JPT1: variants seen among roughly 807,000 people sequenced by gnomAD.
JPT1 encodes the protein Jupiter microtubule associated homolog 1.
A neutral mutation model predicts 17.0 loss-of-function variants in JPT1; 5 were observed. The ratio of observed to expected loss-of-function variants is 0.29; its 90% CI spans 0.15 to 0.62. JPT1 has a LOEUF of 0.62. Among genes scored for constraint, JPT1 ranks in the 20% least tolerant of loss-of-function variants. The pLI is 0.85. For synonymous variants in JPT1, 71 were observed against 73.6 expected (o/e 0.96, Z 0.18); for missense variants, 158 against 188.1 (o/e 0.84, Z 0.94).
chr17:75,139,743 G>A (rs1230714704), intron 4 of JPT1, among the ~76,000 whole-genome samples: 2 of 151,526 alleles, frequency 1.3e-5, no homozygotes, highest in South Asian at 2.1e-4. Context: ...ACTTGAACCC[G>A]GGAGGCGGAG....
chr17:75,139,957 GTCTC>G (rs1221791835), intron 4 of JPT1, among the ~76,000 whole-genome samples: 1 of 152,188 alleles, frequency 6.6e-6, no homozygotes, highest in South Asian at 2.1e-4. Flanking sequence ...TTCAGATGGA[GTCTC>G]TCTCTCTTGC....
chr17:75,141,946 G>A (rs1014912368), intron 4 of JPT1, among the ~76,000 whole-genome samples: 4 of 151,742 alleles, frequency 2.6e-5, no homozygotes, highest in Non-Finnish European at 5.9e-5. Flanking sequence ...GCGCACACCT[G>A]TAGTCCCAGA....
At chr17:75,149,131 A>G in intron 1 of JPT1, 1 of 947,420 alleles carries the variant, frequency 1.1e-6, no homozygotes, top group African/African-American at 1.7e-5. Flanking sequence ...CAGGATCATC[A>G]CTTGAGCCTA....
chr17:75,149,961 C>T lies in JPT1; in HGVS notation c.57-1290G>A, dbSNP rs1009077381. ...TTCTATCTCAACCTCACTAAAAAGC[C>T]ATTTACATACTTGTACCTCACTATT... On this transcript the variant is annotated intron_variant, in intron 1 of 4. Coordinates refer to ENST00000409753, the MANE Select transcript of JPT1 (RefSeq NM_016185.4). Among the ~76,000 whole-genome samples the T allele has an allele frequency of 2.0e-5, 3 of 152,092 alleles. No individual in the cohort carries two copies. The South Asian group carries it at 6.2e-4, about 32-fold the overall frequency.
chr17:75,153,940 C>T (rs2074593407), intron 1 of JPT1: 1 of 155,014 alleles, frequency 6.5e-6, no homozygotes, highest in Admixed American at 6.5e-5. Flanking sequence ...TAGGACCTGA[C>T]CATGCATGGG....
chr17:75,143,093 GTCC>G (rs2074358900), intron 4 of JPT1, among the ~76,000 whole-genome samples: 1 of 152,162 alleles, frequency 6.6e-6, no homozygotes, highest in African/African-American at 2.4e-5. Flanking sequence ...AATCCAGAGG[GTCC>G]TGCTCCATAC....
At chr17:75,142,882 A>G (rs2074354167) in intron 4 of JPT1, 8 of 374,048 alleles carry the variant, frequency 2.1e-5, no homozygotes, top group South Asian at 1.4e-4. Context: ...ACGTATATGA[A>G]AATACACACA....
At chr17:75,136,684 G>C (rs1227094821) in intron 4 of JPT1, among the ~76,000 whole-genome samples, 1 of 152,104 alleles carries the variant, frequency 6.6e-6, no homozygotes, top group Non-Finnish European at 1.5e-5. Context: ...TACAGATGGG[G>C]TTTCACCATC....
Position 75,154,328 on chromosome 17 carries a change from C to A in JPT1, c.56+14G>T. The A allele has an allele frequency of 6.5e-7, 1 of 1,541,016 alleles. No homozygotes were observed. The stretch of plus-strand genomic sequence containing the variant: ...TCAGCCCCGCGCGGCTCGGGCGCGA[C>A]CCGGTCGCCTCACCGGGAGCTATTC... On this transcript the variant is annotated intron_variant, in intron 1 of 4. Transcript: ENST00000409753.
rs1244828524 is a variant in JPT1 at position 75,154,475 on chromosome 17, A to C, written c.-78T>G. 4 of 1,365,324 alleles carry C rather than the reference A, an allele frequency of 2.9e-6. No homozygotes were observed. Among genetic ancestry groups the C allele is most frequent in the Non-Finnish European group, 4.0e-6 (4 of 999,738 alleles). The allele number at this position is 1,365,324 out of a possible 1,614,324, so 84.6% of individuals were successfully genotyped here. On this transcript the variant is annotated 5_prime_UTR_variant, in exon 1 of 5. Coordinates refer to ENST00000409753, the MANE Select transcript of JPT1 (RefSeq NM_016185.4). ...GACCCGAGGGGCGCTGGGAAACTCCACACCCAACAGCCGACCACCGCTGCA... is the reference window on the plus strand; with the variant it reads ...GACCCGAGGGGCGCTGGGAAACTCCCCACCCAACAGCCGACCACCGCTGCA...
intron 1 of JPT1, among the ~76,000 whole-genome samples, chr17:75,149,517 G>A (rs1374701197): frequency 6.6e-6 from 1 of 152,108 alleles, no homozygotes; most frequent in East Asian, 1.9e-4. Context: ...ACAGGCGCCC[G>A]CCACCACGCC....
intron 4 of JPT1, chr17:75,141,325 T>G (rs2074303377): frequency 6.6e-6 from 1 of 152,144 alleles, no homozygotes; most frequent in African/African-American, 2.4e-5. Context: ...GAACTAAAGT[T>G]GCAGCAGTCA....
At chr17:75,140,314 C>T (rs1480039908) in intron 4 of JPT1, among the ~76,000 whole-genome samples, 1 of 151,884 alleles carries the variant, frequency 6.6e-6, no homozygotes, top group Non-Finnish European at 1.5e-5. Context: ...TTATTTCTAC[C>T]AAAATATACA....
At chr17:75,140,010 C>G (rs2145164209) in intron 4 of JPT1, among the ~76,000 whole-genome samples, 1 of 152,174 alleles carries the variant, frequency 6.6e-6, no homozygotes, top group East Asian at 1.9e-4. Flanking sequence ...CTCCACCTCC[C>G]AGGTTCAAGC....
chr17:75,147,943 G>C, intron 2 of JPT1: 1 of 369,040 alleles, frequency 2.7e-6, no homozygotes. Context: ...AGGTTGTGGT[G>C]TGCCAAGATG....
intron 4 of JPT1, among the ~76,000 whole-genome samples, chr17:75,143,264 A>C (rs2074362268): frequency 6.6e-6 from 1 of 152,204 alleles, no homozygotes; most frequent in Non-Finnish European, 1.5e-5. Flanking sequence ...AAGCCTCCAT[A>C]AAAAACCAAA....
At chr17:75,137,148 C>A (rs183749176) in intron 4 of JPT1, among the ~76,000 whole-genome samples, 1 of 152,044 alleles carries the variant, frequency 6.6e-6, no homozygotes, top group Non-Finnish European at 1.5e-5. Flanking sequence ...TTATCCAATT[C>A]TCTGACAGCA....
In JPT1 at chr17:75,154,356, G is replaced by A. The variant is rs1427848737; in HGVS notation, c.42C>T (p.Ser14=). The A allele has an allele frequency of 5.2e-6, 8 of 1,548,270 alleles. No individual in the cohort carries two copies. The highest frequency in any genetic ancestry group is 1.7e-6 in the Non-Finnish European group (2 of 1,145,950). ...GGTCGCCTCACCGGGAGCTATTCCT[G>A]CTGTTGGGGTCGACTCCCTTGAAGG... The part of the protein sequence containing the change: ...TTTFKGVDPN[S]RNSSRVLRPP... The change falls in exon 1 of 5, where the codon AGC becomes AGT. Residue 14 remains serine (S), a synonymous_variant. Transcript: ENST00000409753.
chr17:75,137,731 T>G (rs1484924992), intron 4 of JPT1, among the ~76,000 whole-genome samples: 1 of 133,632 alleles, frequency 7.5e-6, no homozygotes, highest in Non-Finnish European at 1.5e-5. Flanking sequence ...GTCTTTAACC[T>G]CTGCCTCCTG....
Sources: gnomAD v4.1 joint callset for allele counts (sites outside exome capture counted in the v4.1 genomes callset) on GRCh38, gnomAD v4.1.1 for gene constraint, MANE v1.5 for transcripts, NCBI Gene and HGNC (gene_info 2026-07-23, HGNC 2026-07-21) for gene names.